The following JAM2 variants were observed in gnomAD, a reference collection of about 807,000 sequenced individuals.
The protein encoded by JAM2 is junctional adhesion molecule B.
JAM2 carries 17 observed loss-of-function variants against 42.0 expected under a neutral mutation model. That is an observed-to-expected ratio of 0.40 (90% CI 0.28 to 0.61). JAM2 has a LOEUF of 0.61. Among genes scored for constraint, JAM2 ranks in the 20% least tolerant of loss-of-function variants. JAM2 has a pLI of 0.37. For missense variants in JAM2, 319 were observed against 358.3 expected, an observed-to-expected ratio of 0.89 and a Z score of 0.89; for synonymous variants, 118 against 128.6, an observed-to-expected ratio of 0.92 and a Z score of 0.56.
intron 3 of JAM2, among the ~76,000 whole-genome samples, chr21:25,693,253 T>C (rs2033921193): frequency 6.8e-6 from 1 of 146,532 alleles, no homozygotes; most frequent in Non-Finnish European, 1.5e-5. Context: ...AAACTATGCT[T>C]TTTTGAATTT....
chr21:25,657,363 A>G (rs1261247015), intron 1 of JAM2, among the ~76,000 whole-genome samples: 2 of 152,218 alleles, frequency 1.3e-5, no homozygotes, highest in Non-Finnish European at 2.9e-5. Flanking sequence ...TTCTCTTACA[A>G]GGTGACTCAT....
At chr21:25,691,847 T>C (rs1358046341) in intron 3 of JAM2, among the ~76,000 whole-genome samples, 4 of 152,008 alleles carry the variant, frequency 2.6e-5, no homozygotes, top group African/African-American at 9.7e-5. Flanking sequence ...CTGGCCAACA[T>C]GGTGAAATCC....
chr21:25,676,736 T>A (rs896857090), intron 1 of JAM2, among the ~76,000 whole-genome samples: 1 of 152,192 alleles, frequency 6.6e-6, no homozygotes, highest in Non-Finnish European at 1.5e-5. Flanking sequence ...TAATTTGTTC[T>A]GGAAAAGTGA....
chr21:25,717,410 T>C lies in JAM2; in HGVS notation c.*2738T>C. ...ATTAGCAAGCTTTGTTTTGTTTTAA[T>C]TATTGTTGCTGTTGTAACTAGATTT... On this transcript the variant is annotated 3_prime_UTR_variant, in exon 10 of 10. Transcript: ENST00000480456. 1 of 334,298 alleles carries C rather than the reference T, an allele frequency of 3.0e-6. No homozygotes were observed. The highest frequency in any genetic ancestry group is 5.3e-6 in the Non-Finnish European group (1 of 187,624). The allele number at this position is 334,298 out of a possible 1,614,324, so 20.7% of individuals were successfully genotyped here. A position where few individuals can be genotyped will look rare whatever the true frequency, so the allele number is the denominator to read the frequency against.
In JAM2 at chr21:25,695,712, G is replaced by A. The variant is rs2034001185; in HGVS notation, c.394+1804G>A. On this transcript the variant is annotated intron_variant, in intron 4 of 9. Transcript: ENST00000480456. ...CGGAGGGGCTCCTCACTTTCCAGAT[G>A]GGGCGGCTGCCAGGCGGAGGGGCTC... is the stretch of plus-strand genomic sequence containing the variant. Among the ~76,000 whole-genome samples, 3 of 151,648 alleles carry A rather than the reference G, an allele frequency of 2.0e-5. No individual in the cohort carries two copies. The South Asian group carries it at 6.3e-4, about 32-fold the overall frequency.
chr21:25,675,563 G>A (rs1403492007), intron 1 of JAM2, among the ~76,000 whole-genome samples: 2 of 147,278 alleles, frequency 1.4e-5, no homozygotes, highest in Admixed American at 6.8e-5. Flanking sequence ...AAGGAAGGAA[G>A]GAAGGAGGGA....
intron 2 of JAM2, among the ~76,000 whole-genome samples, chr21:25,684,570 T>A (rs1003788620): frequency 1.3e-5 from 2 of 152,190 alleles, no homozygotes; most frequent in African/African-American, 4.8e-5. Flanking sequence ...ATGGGCTTTT[T>A]AATAAGCTTT....
chr21:25,639,541 C>A lies in JAM2; in HGVS notation c.-281C>A, dbSNP rs559285135. ...TGCCCCCTCGCTAGGACCCGGCGGA[C>A]GCCTCGTCTGGTTTTCACGCCCTCT... is the stretch of plus-strand genomic sequence containing the variant. On this transcript the variant is annotated 5_prime_UTR_variant, in exon 1 of 10. Coordinates refer to ENST00000480456, the MANE Select transcript of JAM2 (RefSeq NM_021219.4). 5.5e-3 allele frequency: 1,954 copies of A among 355,904 alleles called. 9 individuals are homozygous for A. The highest frequency in any genetic ancestry group is 8.2e-3 in the Admixed American group (173 of 21,114). 22.0% of individuals were successfully genotyped at this position (355,904 alleles called of 1,614,324 possible).
intron 1 of JAM2, among the ~76,000 whole-genome samples, chr21:25,675,805 C>T (rs1000987553): frequency 6.6e-6 from 1 of 152,086 alleles, no homozygotes; most frequent in African/African-American, 2.4e-5. Flanking sequence ...TTAGGAATTA[C>T]AACTGAACAT....
intron 1 of JAM2, among the ~76,000 whole-genome samples, chr21:25,644,902 A>G (rs1185732544): frequency 7.6e-6 from 1 of 131,720 alleles, no homozygotes; most frequent in Non-Finnish European, 1.6e-5. Context: ...TTTATTTGAG[A>G]TGGAATCTTG....
chr21:25,694,251 G>A (rs1343015123), intron 4 of JAM2, among the ~76,000 whole-genome samples: 1 of 152,134 alleles, frequency 6.6e-6, no homozygotes, highest in African/African-American at 2.4e-5. Flanking sequence ...ACCATTTAAA[G>A]TAGTATCACA....
At chr21:25,665,328 T>C (rs1211761443) in intron 1 of JAM2, among the ~76,000 whole-genome samples, 2 of 152,200 alleles carry the variant, frequency 1.3e-5, no homozygotes, top group Non-Finnish European at 2.9e-5. Context: ...CAGAACAAAA[T>C]AGACTATGGA....
intron 1 of JAM2, among the ~76,000 whole-genome samples, chr21:25,663,214 T>C (rs1290111668): frequency 1.3e-5 from 2 of 152,118 alleles, no homozygotes; most frequent in Non-Finnish European, 2.9e-5. Flanking sequence ...AAAGGAAGGC[T>C]GGAAAGATGG....
At chr21:25,684,009 G>A (rs2033696332) in intron 2 of JAM2, 61 bp downstream of exon 2, 4 of 1,040,452 alleles carry the variant, frequency 3.8e-6, no homozygotes, top group Non-Finnish European at 5.7e-6. Context: ...AGAGTGACTC[G>A]TGTGATGTTA....
intron 9 of JAM2, among the ~76,000 whole-genome samples, chr21:25,713,181 T>C (rs182915430): frequency 3.3e-5 from 5 of 152,192 alleles, no homozygotes; most frequent in African/African-American, 1.2e-4. Context: ...TTTCAACATA[T>C]GAATTTTGGG....
At chr21:25,681,624 T>G (rs1288235468) in intron 1 of JAM2, among the ~76,000 whole-genome samples, 1 of 152,158 alleles carries the variant, frequency 6.6e-6, no homozygotes, top group Non-Finnish European at 1.5e-5. Flanking sequence ...ATGCTTTGCA[T>G]TATTCTGAGT....
At chr21:25,685,083 T>C (rs1373746287) in intron 2 of JAM2, among the ~76,000 whole-genome samples, 2 of 152,134 alleles carry the variant, frequency 1.3e-5, no homozygotes, top group Non-Finnish European at 2.9e-5. Context: ...ATCAGGTATG[T>C]CTTAGGTTCC....
At chr21:25,701,579 A>G (rs116932801) in intron 5 of JAM2, among the ~76,000 whole-genome samples, 1 of 152,218 alleles carries the variant, frequency 6.6e-6, no homozygotes, top group Non-Finnish European at 1.5e-5. Flanking sequence ...TTGCTTTGAC[A>G]GGGATGGGAA....
At chr21:25,660,776 ATATATATTTTTTTTTTT>A (rs2033061376) in intron 1 of JAM2, among the ~76,000 whole-genome samples, 1 of 60,172 alleles carries the variant, frequency 1.7e-5, no homozygotes, top group African/African-American at 9.3e-5. Flanking sequence ...ATATATATAT[ATATATATTTTTTTTTTT>A]TTTTTTTTTT....
Sources: allele counts gnomAD v4.1 joint callset (sites outside exome capture counted in the v4.1 genomes callset), GRCh38; gene constraint gnomAD v4.1.1; transcripts MANE v1.5; gene names NCBI Gene and HGNC (gene_info 2026-07-23, HGNC 2026-07-21).